SKIL: variants seen among roughly 807,000 people sequenced by gnomAD.
The protein encoded by SKIL is ski-like protein.
Under a neutral mutation model 69.6 loss-of-function variants are expected in SKIL, and 20 were observed. That is an observed-to-expected ratio of 0.29 (90% CI 0.20 to 0.42). The LOEUF (loss-of-function observed/expected upper bound fraction) is 0.42. Ranked by LOEUF, SKIL falls within the 10% of genes least tolerant of loss-of-function variation. SKIL has a pLI of 1.00. For synonymous variants in SKIL, 310 were observed against 279.9 expected (o/e 1.11, Z -1.08); for missense variants, 745 against 783.1 (o/e 0.95, Z 0.58).
intron 3 of SKIL, among the ~76,000 whole-genome samples, chr3:170,382,159 A>G (rs1455154063): frequency 1.3e-5 from 2 of 152,212 alleles, no homozygotes; most frequent in East Asian, 3.8e-4. Flanking sequence ...GTTTCTATTT[A>G]TCATTATAGG....
intron 1 of SKIL, among the ~76,000 whole-genome samples, chr3:170,358,280 G>C (rs1181500221): frequency 6.6e-6 from 1 of 151,934 alleles, no homozygotes; most frequent in East Asian, 1.9e-4. Context: ...GAGAGGGTGC[G>C]CGGGGGGGTG....
At chr3:170,371,347 TAATA>T in intron 2 of SKIL, among the ~76,000 whole-genome samples, 1 of 151,432 alleles carries the variant, frequency 6.6e-6, no homozygotes, top group South Asian at 2.1e-4. Context: ...CTAAAAATAA[TAATA>T]AAAAAAATAG....
chr3:170,389,275 T>TGTGGATATA lies in SKIL; in HGVS notation c.1430-945_1430-937dup, dbSNP rs1491311204. Among the ~76,000 whole-genome samples the TGTGGATATA allele has an allele frequency of 4.6e-5, 7 of 152,150 alleles. No homozygotes were observed. In the South Asian group the frequency reaches 1.2e-3, roughly 27 times the overall value. On this transcript the variant is annotated intron_variant, in intron 4 of 6. Transcript: ENST00000259119. ...TAAGGTCCAACCTTATTCTTTTGCA[T>TGTGGATATA]GTGGATATAGTTGTCCGTATGTTGA...
intron 3 of SKIL, among the ~76,000 whole-genome samples, chr3:170,382,642 G>A (rs564224832): frequency 1.5e-4 from 22 of 150,618 alleles, no homozygotes; most frequent in African/African-American, 5.1e-4. Flanking sequence ...TGAACCTCAG[G>A]TGATCTGCCA....
At position 170,384,743 on chromosome 3, in the gene SKIL, T is replaced by A. The variant is rs1203629747; in HGVS notation, c.1407T>A (p.Ser469Arg). ...AGGAGAAAATGGATTTAAAAACAAG[T>A]AGAGAATTATGTAGCCGTTTAGGTA... ...EEQEKMDLKT[S>R]RELCSRLDAS... The change falls in exon 4 of 7, where the codon AGT becomes AGA. Residue 469 changes from serine to arginine, a missense_variant. Ser to Arg is a moderately radical substitution (Grantham distance 110). Transcript: ENST00000259119. 1 of 1,582,092 alleles carries A rather than the reference T, an allele frequency of 6.3e-7. No homozygotes were observed. The highest frequency in any genetic ancestry group is 1.1e-5 in the South Asian group (1 of 89,486).
intron 2 of SKIL, among the ~76,000 whole-genome samples, chr3:170,379,758 C>G (rs1737231821): frequency 6.6e-6 from 1 of 152,144 alleles, no homozygotes; most frequent in Non-Finnish European, 1.5e-5. Flanking sequence ...ATTCTCCTGT[C>G]TCAGCCTCCC....
At chr3:170,361,931 C>T (rs1031049504) in intron 2 of SKIL, among the ~76,000 whole-genome samples, 3 of 152,106 alleles carry the variant, frequency 2.0e-5, no homozygotes, top group Admixed American at 6.6e-5. Context: ...TGCTTCTTGA[C>T]CACTACATCT....
chr3:170,360,871 C>G lies in SKIL; in HGVS notation c.540C>G (p.Leu180=), dbSNP rs745970705. Residue 180 remains leucine, a synonymous_variant, in exon 2 of 7, where the codon CTC becomes CTG. Transcript: ENST00000259119. ...ATTCTGTTCTCCGAGAATTTACACT[C>G]CAGCAAATAAATACAGTGTGTGATG... ...VLNSVLREFT[L]QQINTVCDEL... is the part of the protein sequence containing the mutation. 1.2e-6 allele frequency: 2 copies of G among 1,614,106 alleles called. No individual in the cohort carries two copies. Among genetic ancestry groups the G allele is most frequent in the Non-Finnish European group, 1.7e-6 (2 of 1,179,990 alleles).
intron 2 of SKIL, among the ~76,000 whole-genome samples, chr3:170,369,906 G>A (rs1379536717): frequency 1.3e-5 from 2 of 152,112 alleles, no homozygotes; most frequent in Non-Finnish European, 2.9e-5. Context: ...ACTCTAGAAA[G>A]CAAAAGAATA....
intron 4 of SKIL, among the ~76,000 whole-genome samples, chr3:170,387,119 G>T (rs1737672438): frequency 6.6e-6 from 1 of 151,984 alleles, no homozygotes; most frequent in Admixed American, 6.6e-5. Flanking sequence ...CCGGGTTCAA[G>T]CGATTCTCCT....
intron 2 of SKIL, among the ~76,000 whole-genome samples, chr3:170,379,492 G>A (rs1177273903): frequency 1.3e-5 from 2 of 150,970 alleles, no homozygotes; most frequent in Non-Finnish European, 2.9e-5. Context: ...CCCCTTTTAA[G>A]TATCCTTTTC....
At chr3:170,359,239 G>A (rs1214376801) in intron 1 of SKIL, among the ~76,000 whole-genome samples, 1 of 152,170 alleles carries the variant, frequency 6.6e-6, no homozygotes, top group Non-Finnish European at 1.5e-5. Flanking sequence ...TAGTAAACTG[G>A]TGTTAGATTT....
intron 2 of SKIL, among the ~76,000 whole-genome samples, chr3:170,365,390 C>T (rs1468799649): frequency 1.3e-5 from 2 of 151,880 alleles, no homozygotes; most frequent in Non-Finnish European, 2.9e-5. Flanking sequence ...CTCTAAAGGC[C>T]AAAACTTTTT....
At chr3:170,362,033 C>T (rs939058289) in intron 2 of SKIL, among the ~76,000 whole-genome samples, 2 of 152,082 alleles carry the variant, frequency 1.3e-5, no homozygotes, top group African/African-American at 4.8e-5. Context: ...CTCAAAACAG[C>T]ATTTTTCAGA....
rs1191721161 is a variant in SKIL at position 170,393,949 on chromosome 3, G to T, written c.*1532G>T. ...TTGCTTAATAGTACATATCCAAAAA[G>T]AATTTTGTACTTCCCCAAATGTAAT... is the stretch of plus-strand genomic sequence containing the variant. On this transcript the variant is annotated 3_prime_UTR_variant, in exon 7 of 7. Coordinates refer to ENST00000259119, the MANE Select transcript of SKIL (RefSeq NM_005414.5). 2 of 151,912 alleles carry T rather than the reference G, an allele frequency of 1.3e-5. No homozygotes were observed. Among genetic ancestry groups the T allele is most frequent in the Non-Finnish European group, 2.9e-5 (2 of 67,966 alleles). The allele number at this position is 151,912 out of a possible 1,614,324, so 9.4% of individuals were successfully genotyped here.
chr3:170,360,248 CCATT>C lies in SKIL; in HGVS notation c.-79_-76del. The C allele has an allele frequency of 8.0e-7, 1 of 1,254,556 alleles. No individual in the cohort carries two copies. The highest frequency in any genetic ancestry group is 1.1e-6 in the Non-Finnish European group (1 of 909,572). The allele number at this position is 1,254,556 out of a possible 1,614,324, so 77.7% of individuals were successfully genotyped here. A position where few individuals can be genotyped will look rare whatever the true frequency, so the allele number is the denominator to read the frequency against. On this transcript the variant is annotated 5_prime_UTR_variant, in exon 2 of 7. Transcript: ENST00000259119. Reference sequence around the variant, plus strand: ...AGTAAGTTACGATAGGCATTTGTATCCATTCATTACTTTCCTCTTTTCAAATAAG... The same window carrying C: ...AGTAAGTTACGATAGGCATTTGTATCCATTACTTTCCTCTTTTCAAATAAG...
intron 4 of SKIL, among the ~76,000 whole-genome samples, chr3:170,387,978 C>T (rs978318354): frequency 2.2e-5 from 3 of 138,236 alleles, no homozygotes; most frequent in Admixed American, 1.4e-4. Flanking sequence ...GCTATAAATA[C>T]TTGTGTAGAA....
In SKIL at chr3:170,375,365, T is replaced by A. The variant is rs145436409; in HGVS notation, c.1099-5879T>A. On this transcript the variant is annotated intron_variant, in intron 2 of 6. Coordinates refer to ENST00000259119, the MANE Select transcript of SKIL (RefSeq NM_005414.5). ...TAGAGACACAGAAATAAATAGATGC[T>A]AGGTTTGGCTCATGAGTAAAGATAA... 1.8e-4 allele frequency among the ~76,000 whole-genome samples: 27 copies of A among 152,342 alleles called. No individual in the cohort carries two copies. In the East Asian group the frequency reaches 4.8e-3, roughly 27 times the overall value.
chr3:170,391,214 G>A lies in SKIL; in HGVS notation c.1850G>A (p.Cys617Tyr). 1.2e-6 allele frequency: 2 copies of A among 1,612,344 alleles called. No homozygotes were observed. Among genetic ancestry groups the A allele is most frequent in the Non-Finnish European group, 1.7e-6 (2 of 1,178,832 alleles). The stretch of plus-strand genomic sequence containing the variant: ...CAGATAATGAAGCAAAAATGTACCT[G>A]TGACTCAAATTTAGAAAAAGACAAA... ...LEQIMKQKCT[C>Y]DSNLEKDKEA... The change falls in exon 6 of 7, where the codon TGT (cysteine) becomes TAT (tyrosine). Residue 617 changes from cysteine to tyrosine, a missense_variant. Physicochemically the swap from Cys to Tyr is radical, Grantham distance 194. Coordinates refer to ENST00000259119, the MANE Select transcript of SKIL (RefSeq NM_005414.5).
Sources: allele counts gnomAD v4.1 joint callset (sites outside exome capture counted in the v4.1 genomes callset), GRCh38; gene constraint gnomAD v4.1.1; transcripts MANE v1.5; gene names NCBI Gene and HGNC (gene_info 2026-07-23, HGNC 2026-07-21).